The following HK1 variants were observed in gnomAD, a reference collection of about 807,000 sequenced individuals.
HK1 encodes hexokinase 1.
HK1 carries 28 observed loss-of-function variants against 91.6 expected under a neutral mutation model. The ratio of observed to expected loss-of-function variants is 0.31; its 90% confidence interval spans 0.23 to 0.42. The LOEUF is 0.42. HK1 is among the 10% of genes least tolerant of loss of function. The pLI is 1.00. For missense variants in HK1, 770 were observed against 1,219.8 expected (o/e 0.63, Z 5.49); for synonymous variants, 430 against 468.1 (o/e 0.92, Z 1.05).
At chr10:69,272,233 C>T (rs1844207105) in intron 1 of HK1, among the ~76,000 whole-genome samples, 1 of 152,222 alleles carries the variant, frequency 6.6e-6, no homozygotes, top group South Asian at 2.1e-4. Context: ...TTGTTGCCCA[C>T]ATTCAGAATT....
chr10:69,291,898 G>A (rs977934456), intron 3 of HK1, among the ~76,000 whole-genome samples: 3 of 152,116 alleles, frequency 2.0e-5, no homozygotes, highest in Non-Finnish European at 4.4e-5. Context: ...GTATCTGCAA[G>A]CCTTCATTAG....
chr10:69,347,673 A>T (rs1848637664), intron 2 of HK1, among the ~76,000 whole-genome samples: 2 of 152,102 alleles, frequency 1.3e-5, no homozygotes, highest in Middle Eastern at 6.8e-3. Flanking sequence ...TGACCTTGTG[A>T]TCTGCCCGCC....
chr10:69,355,967 T>C (rs1049553432), intron 2 of HK1, among the ~76,000 whole-genome samples: 6 of 152,168 alleles, frequency 3.9e-5, no homozygotes, highest in African/African-American at 1.4e-4. Context: ...TCATACCATA[T>C]ATAAAATTAA....
chr10:69,377,408 G>T (rs546113314), intron 8 of HK1, among the ~76,000 whole-genome samples: 4 of 148,322 alleles, frequency 2.7e-5, no homozygotes, highest in African/African-American at 1.0e-4. Flanking sequence ...TAAGATTAGC[G>T]TCCAGGAAGC....
intron 5 of HK1, among the ~76,000 whole-genome samples, chr10:69,305,698 C>CA (rs1846070351): frequency 6.6e-6 from 1 of 151,362 alleles, no homozygotes; most frequent in Non-Finnish European, 1.5e-5. Flanking sequence ...ATTAAAAATA[C>CA]AAAAAATTAG....
At position 69,294,140 on chromosome 10, in the gene HK1, C is replaced by T. The variant is rs370318152; in HGVS notation, c.-114-1493C>T. Among the ~76,000 whole-genome samples the T allele has an allele frequency of 2.2e-4, 33 of 152,144 alleles. 1 individual carries two copies. The highest frequency in any genetic ancestry group is 5.5e-4 in the African/African-American group (23 of 41,520). On this transcript the variant is annotated intron_variant, in intron 3 of 21. Transcript: ENST00000360289. ...CCTCCCAAAGTGCTGGGATTACAGG[C>T]GTGAGCCACCGCGCCCGGCCCTGCA...
At chr10:69,271,727 T>G (rs906932810) in intron 1 of HK1, among the ~76,000 whole-genome samples, 1 of 152,158 alleles carries the variant, frequency 6.6e-6, no homozygotes, top group African/African-American at 2.4e-5. Context: ...TCCACCCTCC[T>G]TGGCCTCCCA....
chr10:69,364,419 G>T (rs2132787484), intron 3 of HK1, among the ~76,000 whole-genome samples: 1 of 152,314 alleles, frequency 6.6e-6, no homozygotes, highest in South Asian at 2.1e-4. Flanking sequence ...ACTCCACCTG[G>T]TGGCTGGTGG....
intron 2 of HK1, among the ~76,000 whole-genome samples, chr10:69,359,083 A>T (rs1018720109): frequency 2.6e-5 from 4 of 152,076 alleles, no homozygotes; most frequent in Admixed American, 6.6e-5. Context: ...AATTCTGAAA[A>T]TATGGATGAA....
intron 1 of HK1, among the ~76,000 whole-genome samples, chr10:69,275,617 G>A (rs1589427120): frequency 6.6e-6 from 1 of 152,156 alleles, no homozygotes; most frequent in Non-Finnish European, 1.5e-5. Context: ...AAATGAACGG[G>A]TATGGCTTGG....
chr10:69,372,168 G>C (rs544774877), intron 7 of HK1, among the ~76,000 whole-genome samples: 1 of 152,166 alleles, frequency 6.6e-6, no homozygotes, highest in African/African-American at 2.4e-5. Context: ...CGAGAATTGC[G>C]TGGGAAAGAC....
At position 69,401,110 on chromosome 10, in the gene HK1, G is replaced by A. The variant is rs775763125; in HGVS notation, c.2729G>A (p.Arg910Gln). The A allele has an allele frequency of 3.1e-6, 5 of 1,614,030 alleles. No individual in the cohort carries two copies. The highest frequency in any genetic ancestry group is 1.7e-5 in the Admixed American group (1 of 60,036). ...GCCCTCATCACGGCCGTGGGCGTGC[G>A]GTTACGCACAGAGGCAAGCAGCTAA... The part of the protein sequence containing the change: ...GAALITAVGV[R>Q]LRTEASS The change falls in exon 18 of 18, where the codon CGG (arginine) becomes CAG (glutamine). Residue 910 changes from arginine (R) to glutamine (Q), a missense_variant. Around this residue, in one of 7 missense-constraint regions of HK1, gnomAD observed 15 missense variants for 21.7 expected, o/e 0.69. Coordinates refer to ENST00000359426, the MANE Select transcript of HK1 (RefSeq NM_000188.3).
At position 69,360,741 on chromosome 10, in the gene HK1, G is replaced by C. The variant is rs554386468; in HGVS notation, c.375+696G>C. Among the ~76,000 whole-genome samples, 3 of 152,284 alleles carry C rather than the reference G, an allele frequency of 2.0e-5. No individual in the cohort carries two copies. The East Asian group carries it at 5.8e-4, about 29-fold the overall frequency. ...CTCCTCTCTGGGTGCGGGGAGTGGT[G>C]GGTCTGTAGCTCACTGAGGACCCTG... On this transcript the variant is annotated intron_variant, in intron 3 of 17. Transcript: ENST00000359426.
At chr10:69,300,469 C>T (rs759488388) in intron 4 of HK1, 27 of 831,658 alleles carry the variant, frequency 3.2e-5, no homozygotes, top group African/African-American at 1.7e-4. Context: ...TGTGTGTTTT[C>T]GTCTTGCTTC....
chr10:69,318,184 G>A, upstream of HK1: 1 of 985,486 alleles, frequency 1.0e-6, no homozygotes, highest in Middle Eastern at 5.2e-4. Context: ...GCCAGCTGGA[G>A]ATTAGGCGGG....
At chr10:69,370,843 G>C (rs540517610) in intron 7 of HK1, among the ~76,000 whole-genome samples, 61 of 152,178 alleles carry the variant, frequency 4.0e-4, no homozygotes, top group Admixed American at 6.5e-4. Context: ...GGTTAGAGTG[G>C]GTATTGCTTT....
At chr10:69,370,798 T>G (rs907437992) in intron 7 of HK1, among the ~76,000 whole-genome samples, 2 of 151,962 alleles carry the variant, frequency 1.3e-5, no homozygotes, top group African/African-American at 4.8e-5. Flanking sequence ...CACACCAGAG[T>G]TGATAAAGAA....
chr10:69,297,421 C>T (rs1490203481), intron 4 of HK1, among the ~76,000 whole-genome samples: 2 of 152,216 alleles, frequency 1.3e-5, no homozygotes, highest in Non-Finnish European at 2.9e-5. Context: ...CAGTGCAAAC[C>T]GGTGTTGTTC....
chr10:69,353,069 G>A (rs1171818868), intron 2 of HK1, among the ~76,000 whole-genome samples: 1 of 152,076 alleles, frequency 6.6e-6, no homozygotes, highest in East Asian at 1.9e-4. Context: ...TAAATCCCTT[G>A]GAATTTCTTG....
Sources: allele counts gnomAD v4.1 joint callset (sites outside exome capture counted in the v4.1 genomes callset), GRCh38; gene constraint gnomAD v4.1.1; regional missense constraint gnomAD v4.1.1; transcripts MANE v1.5; gene names NCBI Gene and HGNC (gene_info 2026-07-23, HGNC 2026-07-21).